AGTR1: variants seen among roughly 807,000 people sequenced by gnomAD.
The protein encoded by AGTR1 is angiotensin II receptor type 1, also known as type-1 angiotensin II receptor.
AGTR1 carries 16 observed loss-of-function variants against 19.4 expected under a neutral mutation model. That is an observed-to-expected ratio of 0.82 (90% confidence interval 0.56 to 1.25). AGTR1 has a LOEUF of 1.25. Ranked by LOEUF, AGTR1 falls within the 50% of genes most tolerant of loss-of-function variation. The pLI is 0.00. For missense variants in AGTR1, 373 were observed against 431.9 expected, an observed-to-expected ratio of 0.86 and a Z score of 1.21; for synonymous variants, 153 against 154.9, an observed-to-expected ratio of 0.99 and a Z score of 0.09.
chr3:148,732,554 G>A (rs935172089), intron 2 of AGTR1, among the ~76,000 whole-genome samples: 1 of 152,002 alleles, frequency 6.6e-6, no homozygotes. Flanking sequence ...TATTAAATTA[G>A]TGTGGGATTA....
chr3:148,707,736 C>G (rs1712750349), intron 1 of AGTR1, among the ~76,000 whole-genome samples: 1 of 152,004 alleles, frequency 6.6e-6, no homozygotes, highest in African/African-American at 2.4e-5. Context: ...AGATGTTGAC[C>G]ACAGGCAGGA....
Position 148,739,925 on chromosome 3 carries a change from C to G in AGTR1, c.-47-1064C>G, listed in dbSNP as rs552378161. The G allele has an allele frequency of 6.6e-5, 81 of 1,231,762 alleles. No individual in the cohort carries two copies. Among genetic ancestry groups the G allele is most frequent in the Non-Finnish European group, 8.1e-5 (80 of 988,068 alleles). The allele number at this position is 1,231,762 out of a possible 1,614,324, so 76.3% of individuals were successfully genotyped here. On this transcript the variant is annotated intron_variant, in intron 2 of 2. Coordinates refer to ENST00000349243, the MANE Select transcript of AGTR1 (RefSeq NM_000685.5). ...GTCCTGGCCTGTGCCCAATGCTGAC[C>G]TTCACCTCAGAGTGTGGCTGTACCA...
chr3:148,731,960 G>A (rs1280824818), intron 2 of AGTR1, among the ~76,000 whole-genome samples: 1 of 152,212 alleles, frequency 6.6e-6, no homozygotes, highest in Non-Finnish European at 1.5e-5. Flanking sequence ...ACTTCAGAAT[G>A]TTGAAACCTT....
chr3:148,701,523 ATTTG>A (rs963713574), intron 1 of AGTR1, among the ~76,000 whole-genome samples: 1 of 152,158 alleles, frequency 6.6e-6, no homozygotes, highest in Non-Finnish European at 1.5e-5. Context: ...AAGGGTTTGA[ATTTG>A]TTTTTGTTTT....
At chr3:148,737,364 T>C (rs1278387687) in intron 2 of AGTR1, among the ~76,000 whole-genome samples, 1 of 152,036 alleles carries the variant, frequency 6.6e-6, no homozygotes, top group Non-Finnish European at 1.5e-5. Flanking sequence ...CATCTCCTGA[T>C]CCCTCTCCCC....
At chr3:148,726,606 G>A (rs1388333286) in intron 2 of AGTR1, among the ~76,000 whole-genome samples, 2 of 152,118 alleles carry the variant, frequency 1.3e-5, no homozygotes, top group Admixed American at 6.5e-5. Flanking sequence ...CAGCATTCAT[G>A]ATATCTTTTC....
chr3:148,717,567 C>T (rs1463359180), intron 2 of AGTR1, among the ~76,000 whole-genome samples: 1 of 152,142 alleles, frequency 6.6e-6, no homozygotes, highest in East Asian at 1.9e-4. Context: ...TTAATTATAG[C>T]TTTATACTGA....
chr3:148,736,420 T>C (rs1251317921), intron 2 of AGTR1, among the ~76,000 whole-genome samples: 1 of 152,238 alleles, frequency 6.6e-6, no homozygotes, highest in Non-Finnish European at 1.5e-5. Flanking sequence ...GGAACTTACC[T>C]ATGATAAACA....
intron 2 of AGTR1, among the ~76,000 whole-genome samples, chr3:148,739,315 C>A (rs1439348544): frequency 6.6e-6 from 1 of 151,116 alleles, no homozygotes; most frequent in Non-Finnish European, 1.5e-5. Context: ...GCCAAGATCG[C>A]ACCACTGCAC....
intron 1 of AGTR1, among the ~76,000 whole-genome samples, chr3:148,704,627 C>T (rs974132260): frequency 1.3e-5 from 2 of 152,184 alleles, no homozygotes; most frequent in African/African-American, 4.8e-5. Context: ...TAGTTACTAA[C>T]CAGTCAATGC....
At chr3:148,703,660 T>TA (rs747657903) in intron 1 of AGTR1, among the ~76,000 whole-genome samples, 2 of 152,218 alleles carry the variant, frequency 1.3e-5, no homozygotes, top group Non-Finnish European at 2.9e-5. Flanking sequence ...CTGTAACTGA[T>TA]ACAGTCGAGA....
intron 1 of AGTR1, among the ~76,000 whole-genome samples, chr3:148,700,770 C>G (rs899663431): frequency 6.6e-6 from 1 of 152,156 alleles, no homozygotes; most frequent in Admixed American, 6.5e-5. Context: ...CACTTTTCTC[C>G]CATGTTATCT....
At position 148,741,009 on chromosome 3, in the gene AGTR1, G is replaced by T; in HGVS notation, c.-27G>T. 1 of 1,613,200 alleles carries T rather than the reference G, an allele frequency of 6.2e-7. No homozygotes were observed. The highest frequency in any genetic ancestry group is 1.1e-5 in the South Asian group (1 of 91,056). Reference sequence around the variant, plus strand: ...CCCAGGTGTATTTGATATAGTGTTTGCAACAAATTCGACCCAGGTGATCAA... The same window carrying T: ...CCCAGGTGTATTTGATATAGTGTTTTCAACAAATTCGACCCAGGTGATCAA... On this transcript the variant is annotated 5_prime_UTR_variant, in exon 3 of 3. Transcript: ENST00000349243.
Position 148,741,857 on chromosome 3 carries a change from T to C in AGTR1, c.822T>C (p.Cys274=), listed in dbSNP as rs370505871. 2.9e-5 allele frequency: 46 copies of C among 1,614,028 alleles called. No homozygotes were observed. Among genetic ancestry groups the C allele is most frequent in the Non-Finnish European group, 3.8e-5 (45 of 1,180,038 alleles). The part of the protein sequence containing the change: ...VLIQLGIIRD[C]RIADIVDTAM... ...TTCAACTAGGCATCATACGTGACTG[T>C]AGAATTGCAGATATTGTGGACACGG... Residue 274 remains cysteine (C), a synonymous_variant, in exon 3 of 3, where the codon TGT becomes TGC. Transcript: ENST00000349243.
intron 2 of AGTR1, among the ~76,000 whole-genome samples, chr3:148,739,275 C>T (rs1576540596): frequency 6.6e-6 from 1 of 151,966 alleles, no homozygotes; most frequent in East Asian, 1.9e-4. Flanking sequence ...ATGAGAATCA[C>T]TTGAACCTGG....
chr3:148,707,678 A>AT (rs761216237), intron 1 of AGTR1, among the ~76,000 whole-genome samples: 1 of 152,082 alleles, frequency 6.6e-6, no homozygotes. Flanking sequence ...TTACCCTAAA[A>AT]CGTTCTTTTT....
At chr3:148,722,245 C>T (rs1297415731) in intron 2 of AGTR1, among the ~76,000 whole-genome samples, 1 of 152,112 alleles carries the variant, frequency 6.6e-6, no homozygotes, top group Non-Finnish European at 1.5e-5. Context: ...AGGATTATTA[C>T]ACTATTACAT....
At chr3:148,734,081 G>A (rs1005958928) in intron 2 of AGTR1, among the ~76,000 whole-genome samples, 2 of 152,100 alleles carry the variant, frequency 1.3e-5, no homozygotes, top group East Asian at 3.9e-4. Context: ...AGGGATTGGG[G>A]CATTCATCAC....
intron 2 of AGTR1, among the ~76,000 whole-genome samples, chr3:148,735,843 C>G (rs1714543714): frequency 6.6e-6 from 1 of 152,160 alleles, no homozygotes; most frequent in African/African-American, 2.4e-5. Flanking sequence ...ATAAAGACAA[C>G]AGTTTATTGA....
Sources: allele counts gnomAD v4.1 joint callset (sites outside exome capture counted in the v4.1 genomes callset), GRCh38; gene constraint gnomAD v4.1.1; transcripts MANE v1.5; gene names NCBI Gene and HGNC (gene_info 2026-07-23, HGNC 2026-07-21).